Variants in SLC36A4 observed in about 807,000 individuals in gnomAD.
SLC36A4 encodes neutral amino acid uniporter 4.
A neutral mutation model predicts 50.5 loss-of-function variants in SLC36A4; 49 were observed. The ratio of observed to expected loss-of-function variants is 0.97; its 90% confidence interval spans 0.77 to 1.23. The LOEUF (loss-of-function observed/expected upper bound fraction) is 1.23. Among genes scored for constraint, SLC36A4 ranks in the 50% most tolerant of loss-of-function variants. The pLI is 0.00. For missense variants in SLC36A4, 611 were observed against 608.4 expected, an observed-to-expected ratio of 1.00 and a Z score of -0.05; for synonymous variants, 207 against 206.5, an observed-to-expected ratio of 1.00 and a Z score of -0.02.
chr11:93,192,803 TG>T (rs1330985591), intron 1 of SLC36A4, among the ~76,000 whole-genome samples: 1 of 152,178 alleles, frequency 6.6e-6, no homozygotes, highest in African/African-American at 2.4e-5. Flanking sequence ...TAGAGAGTTT[TG>T]GGCCTTGGAG....
rs746857168 is a variant in SLC36A4, at chr11:93,184,451, T to G, written c.249A>C (p.Ala83=). The G allele has an allele frequency of 2.5e-6, 4 of 1,609,390 alleles. No homozygotes were observed. Among genetic ancestry groups the G allele is most frequent in the Non-Finnish European group, 3.4e-6 (4 of 1,176,042 alleles). The change falls in exon 3 of 11, where the codon GCA becomes GCC. Residue 83 remains alanine (A), a synonymous_variant. Coordinates refer to ENST00000326402, the MANE Select transcript of SLC36A4 (RefSeq NM_152313.4). ...TTACCACTATGCCTGCATTTTTTAT[T>G]GCCAATGGAAGTCCTAAAAGGCCAG... ...IGTGLLGLPL[A]IKNAGIVLGP...
At chr11:93,163,968 T>C (rs112913853) in intron 8 of SLC36A4, among the ~76,000 whole-genome samples, 5 of 152,296 alleles carry the variant, frequency 3.3e-5, no homozygotes, top group African/African-American at 4.8e-5. Context: ...TTCTTGAACA[T>C]ATTCTTACCT....
intron 9 of SLC36A4, chr11:93,159,709 C>A (rs1182868262): frequency 1.8e-6 from 1 of 556,854 alleles, no homozygotes; most frequent in Non-Finnish European, 2.3e-6. Context: ...AAGCTAAATG[C>A]AATACATGTA....
At chr11:93,163,440 T>G (rs1420465052) in intron 8 of SLC36A4, among the ~76,000 whole-genome samples, 1 of 152,144 alleles carries the variant, frequency 6.6e-6, no homozygotes, top group Non-Finnish European at 1.5e-5. Context: ...TTTTAAGGAG[T>G]ACTGGTTTGG....
rs527539896 is a variant in SLC36A4 at position 93,168,170 on chromosome 11, A to T, written c.542T>A (p.Val181Asp). 6.3e-7 allele frequency: 1 copy of T among 1,590,126 alleles called. No homozygotes were observed. The highest frequency in any genetic ancestry group is 8.6e-7 in the Non-Finnish European group (1 of 1,164,566). Residue 181 changes from valine to aspartate, a missense_variant and splice_region_variant, in exon 7 of 11, where the codon GTT becomes GAT. Physicochemically the swap from Val to Asp is radical, Grantham distance 152. Coordinates refer to ENST00000326402, the MANE Select transcript of SLC36A4 (RefSeq NM_152313.4). ...IVFLAENVKQ[V>D]HEGFLESKVF... is the part of the protein sequence containing the mutation. ...TTTACTCTCCAGGAATCCTTCATGA[A>T]CCTACATAGGATTACCAGGAGAATA...
intron 7 of SLC36A4, chr11:93,167,644 T>A (rs1860937234): frequency 3.6e-6 from 1 of 281,616 alleles, no homozygotes; most frequent in African/African-American, 2.2e-5. Flanking sequence ...AAGAACACAA[T>A]CCTAAGTCTC....
At chr11:93,176,661 C>G (rs1454353458) in intron 6 of SLC36A4, among the ~76,000 whole-genome samples, 1 of 152,038 alleles carries the variant, frequency 6.6e-6, no homozygotes, top group Admixed American at 6.6e-5. Context: ...CAAAATCTCT[C>G]AGCATTTGCT....
At chr11:93,196,252 C>T (rs946211505) in intron 1 of SLC36A4, among the ~76,000 whole-genome samples, 1 of 152,096 alleles carries the variant, frequency 6.6e-6, no homozygotes, top group African/African-American at 2.4e-5. Context: ...TTTCATTGTA[C>T]TTTAGTTAAC....
At chr11:93,164,023 T>A (rs1034474535) in intron 8 of SLC36A4, among the ~76,000 whole-genome samples, 10 of 152,144 alleles carry the variant, frequency 6.6e-5, no homozygotes, top group Non-Finnish European at 1.3e-4. Flanking sequence ...ATTTCCTTGC[T>A]TCAGCCCTAA....
chr11:93,148,512 T>C lies in SLC36A4; in HGVS notation c.*25A>G. On this transcript the variant is annotated 3_prime_UTR_variant, in exon 11 of 11. Coordinates refer to ENST00000326402, the MANE Select transcript of SLC36A4 (RefSeq NM_152313.4). ...ATAATTTTCAGAAATGGGACAAAAA[T>C]AGAAGACTCATGATTCTGCTTTTAC... is the stretch of plus-strand genomic sequence containing the variant. 1 of 1,579,752 alleles carries C rather than the reference T, an allele frequency of 6.3e-7. No individual in the cohort carries two copies. Among genetic ancestry groups the C allele is most frequent in the Non-Finnish European group, 8.6e-7 (1 of 1,167,262 alleles).
chr11:93,177,003 T>C (rs1053047081), intron 6 of SLC36A4, among the ~76,000 whole-genome samples: 1 of 152,210 alleles, frequency 6.6e-6, no homozygotes, highest in African/African-American at 2.4e-5. Flanking sequence ...TGGCCTGTCT[T>C]GGTAGGTTGG....
chr11:93,171,867 A>T (rs1180520986), intron 6 of SLC36A4: 1 of 152,128 alleles, frequency 6.6e-6, no homozygotes, highest in Non-Finnish European at 1.5e-5. Context: ...AAGTAATGCT[A>T]ATGGAAGGAC....
At chr11:93,192,743 G>A (rs147161850) in intron 1 of SLC36A4, among the ~76,000 whole-genome samples, 101 of 152,228 alleles carry the variant, frequency 6.6e-4, no homozygotes, top group African/African-American at 2.3e-3. Flanking sequence ...CACGTTTCAA[G>A]CGCTCAATAA....
chr11:93,194,051 T>C (rs1158341039), intron 1 of SLC36A4, among the ~76,000 whole-genome samples: 4 of 152,080 alleles, frequency 2.6e-5, no homozygotes, highest in South Asian at 2.1e-4. Context: ...GTGTATCATA[T>C]GCTAAGTGGG....
rs1861739723 is a variant in SLC36A4 at position 93,181,662 on chromosome 11, C to T, written c.455+29G>A. 8 of 1,436,400 alleles carry T rather than the reference C, an allele frequency of 5.6e-6. No homozygotes were observed. In the East Asian group the frequency reaches 1.8e-4, roughly 33 times the overall value. The allele number at this position is 1,436,400 out of a possible 1,614,324, so 89.0% of individuals were successfully genotyped here. ...TTAAAATTAACATAATTTTAACAAT[C>T]ATATATTAATAACAGAGTAAGTACT... On this transcript the variant is annotated intron_variant, in intron 5 of 10. Coordinates refer to ENST00000326402, the MANE Select transcript of SLC36A4 (RefSeq NM_152313.4).
chr11:93,165,843 A>T, intron 8 of SLC36A4, 75 bp downstream of exon 8: 1 of 856,334 alleles, frequency 1.2e-6, no homozygotes, highest in Non-Finnish European at 1.7e-6. Context: ...ATGCAATTTT[A>T]AATACAGGTA....
At chr11:93,194,596 A>G (rs1256043581) in intron 1 of SLC36A4, among the ~76,000 whole-genome samples, 1 of 152,202 alleles carries the variant, frequency 6.6e-6, no homozygotes, top group Non-Finnish European at 1.5e-5. Context: ...TTTAAATTAA[A>G]TAACACTTGG....
rs1861884636 is a variant in SLC36A4 at position 93,184,422 on chromosome 11, A to C, written c.270+8T>G. On this transcript the variant is annotated splice_region_variant and intron_variant, in intron 3 of 10. Coordinates refer to ENST00000326402, the MANE Select transcript of SLC36A4 (RefSeq NM_152313.4). ...ATCTTAACTGGTGATTACAAAGATA[A>C]GTCTTACCACTATGCCTGCATTTTT... The C allele has an allele frequency of 3.2e-6, 5 of 1,554,578 alleles. No homozygotes were observed. Among genetic ancestry groups the C allele is most frequent in the Non-Finnish European group, 4.4e-6 (5 of 1,126,952 alleles).
intron 6 of SLC36A4, among the ~76,000 whole-genome samples, chr11:93,179,242 C>T (rs1861629786): frequency 6.6e-6 from 1 of 152,190 alleles, no homozygotes; most frequent in Admixed American, 6.5e-5. Flanking sequence ...CCAGTGAGTT[C>T]ATTTTCCTTC....
Sources: allele counts gnomAD v4.1 joint callset (sites outside exome capture counted in the v4.1 genomes callset), GRCh38; gene constraint gnomAD v4.1.1; transcripts MANE v1.5; gene names NCBI Gene and HGNC (gene_info 2026-07-23, HGNC 2026-07-21).